MECR: variants seen among roughly 807,000 people sequenced by gnomAD.
The protein encoded by MECR is enoyl-[acyl-carrier-protein] reductase, mitochondrial.
Under a neutral mutation model 49.1 loss-of-function variants are expected in MECR, and 37 were observed. The observed-to-expected ratio is 0.75, with a 90% CI of 0.58 to 0.99. The LOEUF is 0.99. Among genes scored for constraint, MECR ranks in the 50% least tolerant of loss-of-function variants. MECR has a pLI of 0.00. For missense variants in MECR, 470 were observed against 479.6 expected (o/e 0.98, Z 0.19); for synonymous variants, 198 against 191.1 (o/e 1.04, Z -0.30).
intron 2 of MECR, among the ~76,000 whole-genome samples, chr1:29,216,370 C>T (rs956104508): frequency 6.6e-6 from 1 of 152,208 alleles, no homozygotes; most frequent in Non-Finnish European, 1.5e-5. Context: ...GCAGGCACTT[C>T]ACAATGCTTA....
At chr1:29,206,625 C>A in intron 4 of MECR, 137 bp downstream of exon 4, 2 of 970,578 alleles carry the variant, frequency 2.1e-6, no homozygotes, top group Non-Finnish European at 3.1e-6. Flanking sequence ...GTGAAAGCAA[C>A]AACATTCACC....
At chr1:29,191,949 A>G (rs1423020843), downstream of MECR, among the ~76,000 whole-genome samples, 2 of 152,006 alleles carry the variant, frequency 1.3e-5, no homozygotes, top group Admixed American at 1.3e-4. Context: ...AAAATTAGCC[A>G]GGTGTGGTGG....
In MECR at chr1:29,193,986, C is replaced by T. The variant is rs1016544998; in HGVS notation, c.*36G>A. 1.4e-5 allele frequency: 22 copies of T among 1,612,826 alleles called. No individual in the cohort carries two copies. The South Asian group carries it at 1.5e-4, about 11-fold the overall frequency. On this transcript the variant is annotated 3_prime_UTR_variant, in exon 10 of 10. Transcript: ENST00000263702. ...CCTGCACCCAGCCCCTCAGATCCGC[C>T]TCCCCTCCCATGTCACTCCAGCTCT...
In MECR at chr1:29,211,098, T is replaced by TG. The variant is rs71687809; in HGVS notation, c.407-4194_407-4193insC. On this transcript the variant is annotated intron_variant, in intron 3 of 9. Transcript: ENST00000263702. ...TTTTGTAAATAAAGGGTTTTTTTTT[T>TG]TTTTGTTTTGAGACAAGAGTCTTAC... 5.5e-3 allele frequency among the ~76,000 whole-genome samples: 838 copies of TG among 151,718 alleles called. 11 individuals are homozygous for TG. Among genetic ancestry groups the TG allele is most frequent in the African/African-American group, 0.018 (752 of 41,354 alleles).
At chr1:29,182,841 G>C in the MECR span, among the ~76,000 whole-genome samples, 1 of 152,194 alleles carries the variant, frequency 6.6e-6, no homozygotes, top group Non-Finnish European at 1.5e-5. Context: ...ACTGCGCCTG[G>C]CCTATCCAGT....
chr1:29,173,304 A>G, the MECR span: 1 of 150,028 alleles, frequency 6.7e-6, no homozygotes, highest in East Asian at 2.0e-4. Context: ...GGCCCGGCTA[A>G]TTTTTTTTGT....
chr1:29,171,075 C>G, the MECR span: 1 of 152,144 alleles, frequency 6.6e-6, no homozygotes, highest in Non-Finnish European at 1.5e-5. Flanking sequence ...TAAGACCAGA[C>G]GGCCCTAGGA....
At chr1:29,207,646 G>A (rs1676947202) in intron 3 of MECR, among the ~76,000 whole-genome samples, 1 of 152,038 alleles carries the variant, frequency 6.6e-6, no homozygotes, top group African/African-American at 2.4e-5. Flanking sequence ...AGGCTGAAGT[G>A]GGAAGATTGC....
intron 7 of MECR, among the ~76,000 whole-genome samples, chr1:29,198,817 A>C (rs868702150): frequency 1.3e-5 from 2 of 152,166 alleles, no homozygotes; most frequent in African/African-American, 2.4e-5. Flanking sequence ...AGGTTTCACC[A>C]TGTTGGCCAG....
At chr1:29,175,386 C>CAT in the MECR span, among the ~76,000 whole-genome samples, 8 of 146,144 alleles carry the variant, frequency 5.5e-5, no homozygotes, top group Non-Finnish European at 9.0e-5. Flanking sequence ...GGGCAACAGA[C>CAT]AGAGACTCCA....
Position 29,230,913 on chromosome 1 carries a change from TCCAA to T in MECR, c.-11_-8del. 1 of 1,596,496 alleles carries T rather than the reference TCCAA, an allele frequency of 6.3e-7. No individual in the cohort carries two copies. Among genetic ancestry groups the T allele is most frequent in the East Asian group, 2.2e-5 (1 of 44,564 alleles). ...GGGTACTGCAGACCCACATGCTCGC[TCCAA>T]CCAACACAGAGCCTGACGCCCCGGC... On this transcript the variant is annotated 5_prime_UTR_variant, in exon 1 of 10. Transcript: ENST00000263702.
chr1:29,229,120 A>G (rs971926606), intron 1 of MECR: 7 of 152,024 alleles, frequency 4.6e-5, no homozygotes, highest in Admixed American at 3.9e-4. Context: ...TTTCGTTTCT[A>G]TAATGCGGGA....
chr1:29,201,175 T>C lies in MECR; in HGVS notation c.757-586A>G, dbSNP rs918746161. On this transcript the variant is annotated intron_variant, in intron 6 of 9. Coordinates refer to ENST00000263702, the MANE Select transcript of MECR (RefSeq NM_016011.5). The surrounding 1 kb of genome is among the most constrained non-coding windows in gnomAD (Gnocchi z 4.3). ...AGAACTCATCTTCTCTGGGAAAGAA[T>C]AGGCAAAGGGCATCTGCATGCAGTT... 2.0e-5 allele frequency among the ~76,000 whole-genome samples: 3 copies of C among 152,214 alleles called. No homozygotes were observed. Among genetic ancestry groups the C allele is most frequent in the African/African-American group, 7.2e-5 (3 of 41,462 alleles).
intron 3 of MECR, among the ~76,000 whole-genome samples, chr1:29,211,712 CT>C (rs1392176211): frequency 1.1e-4 from 2 of 18,312 alleles, no homozygotes; most frequent in East Asian, 5.4e-4. Flanking sequence ...AACTTGCCCC[CT>C]GATTCCAAAG....
intron 1 of MECR, among the ~76,000 whole-genome samples, chr1:29,219,717 T>A (rs1215752522): frequency 2.0e-5 from 3 of 152,214 alleles, no homozygotes; most frequent in Admixed American, 6.5e-5. Flanking sequence ...GGGGCTGTTG[T>A]AGCACCCTGT....
chr1:29,183,634 A>G, the MECR span, among the ~76,000 whole-genome samples: 82 of 152,270 alleles, frequency 5.4e-4, no homozygotes, highest in Non-Finnish European at 1.0e-3. Flanking sequence ...TGTTTGAGAT[A>G]TATTTTCCTA....
intron 3 of MECR, among the ~76,000 whole-genome samples, chr1:29,210,924 G>T (rs1039234742): frequency 6.6e-6 from 1 of 152,146 alleles, no homozygotes; most frequent in South Asian, 2.1e-4. Context: ...AACACACATT[G>T]TTTTCCTTTA....
Position 29,201,927 on chromosome 1 carries a change from C to A in MECR, c.756+16G>T, listed in dbSNP as rs201622334. The A allele has an allele frequency of 1.3e-6, 2 of 1,596,938 alleles. No homozygotes were observed. The highest frequency in any genetic ancestry group is 2.7e-5 in the African/African-American group (2 of 74,554). On this transcript the variant is annotated intron_variant, in intron 6 of 9. Coordinates refer to ENST00000263702, the MANE Select transcript of MECR (RefSeq NM_016011.5). The surrounding 1 kb of genome is among the most constrained non-coding windows in gnomAD (Gnocchi z 4.3). ...TGTGCGTGGACTGGAGGGGCAATGTCCCTCTTCCTAGGTACCTTAAAGAAG... is the reference window on the plus strand; with the variant it reads ...TGTGCGTGGACTGGAGGGGCAATGTACCTCTTCCTAGGTACCTTAAAGAAG...
the MECR span, among the ~76,000 whole-genome samples, chr1:29,183,061 T>C: frequency 3.9e-5 from 6 of 152,208 alleles, no homozygotes; most frequent in African/African-American, 9.7e-5. Context: ...TTTGAATATT[T>C]TGAAAGGATA....
Sources: gnomAD v4.1 joint callset for allele counts (sites outside exome capture counted in the v4.1 genomes callset) on GRCh38, gnomAD v4.1.1 for gene constraint, Gnocchi (gnomAD v3.1) non-coding constraint, MANE v1.5 for transcripts, NCBI Gene and HGNC (gene_info 2026-07-23, HGNC 2026-07-21) for gene names.